The following MMP26 variants were observed in gnomAD, a reference collection of about 807,000 sequenced individuals.
MMP26 encodes matrix metallopeptidase 26, also known as matrix metalloproteinase-26.
MMP26 carries 33 observed loss-of-function variants against 31.0 expected under a neutral mutation model. That is an observed-to-expected ratio of 1.06 (90% CI 0.81 to 1.42). The LOEUF is 1.42. MMP26 is among the 40% of genes most tolerant of loss of function. The pLI is 0.00. For missense variants in MMP26, 347 were observed against 316.1 expected (o/e 1.10, Z -0.74); for synonymous variants, 122 against 114.9 (o/e 1.06, Z -0.40).
intron 1 of MMP26, among the ~76,000 whole-genome samples, chr11:4,732,350 T>G (rs1848184164): frequency 6.6e-6 from 1 of 152,166 alleles, no homozygotes; most frequent in South Asian, 2.1e-4. Flanking sequence ...AGGCTAGGAA[T>G]TAAAGATTAC....
At chr11:4,799,668 A>T (rs142930337) in intron 2 of MMP26, among the ~76,000 whole-genome samples, 3 of 152,300 alleles carry the variant, frequency 2.0e-5, no homozygotes, top group African/African-American at 7.2e-5. Context: ...ACAAGTCCAA[A>T]GTCCTAAGTC....
At chr11:4,860,905 C>T (rs536941402) in intron 2 of MMP26, among the ~76,000 whole-genome samples, 2 of 152,008 alleles carry the variant, frequency 1.3e-5, no homozygotes, top group Admixed American at 1.3e-4. Flanking sequence ...AAGAAGTAGA[C>T]ATAACCAAGA....
intron 2 of MMP26, chr11:4,882,458 A>G (rs1390552297): frequency 6.2e-7 from 1 of 1,609,456 alleles, no homozygotes; most frequent in Non-Finnish European, 8.5e-7. Context: ...CCCAGAAGTG[A>G]TCAAATACAC....
At chr11:4,774,382 A>C (rs796158941) in intron 2 of MMP26, among the ~76,000 whole-genome samples, 14 of 152,156 alleles carry the variant, frequency 9.2e-5, no homozygotes, top group African/African-American at 3.4e-4. Context: ...GATCAGTGAT[A>C]TTGAGCTGTT....
chr11:4,964,242 G>C (rs1846559799), intron 2 of MMP26, among the ~76,000 whole-genome samples: 1 of 151,948 alleles, frequency 6.6e-6, no homozygotes, highest in Non-Finnish European at 1.5e-5. Context: ...TTATAATTTT[G>C]AGTTTTACAG....
chr11:4,839,103 C>T (rs1403298665), intron 2 of MMP26, among the ~76,000 whole-genome samples: 2 of 151,970 alleles, frequency 1.3e-5, no homozygotes, highest in Admixed American at 1.3e-4. Flanking sequence ...CAAAACTGGA[C>T]CAAACTCAGC....
intron 1 of MMP26, among the ~76,000 whole-genome samples, chr11:4,751,513 GA>G (rs35685012): frequency 6.6e-6 from 1 of 152,018 alleles, no homozygotes; most frequent in Non-Finnish European, 1.5e-5. Context: ...AGTCCACCAT[GA>G]AAAAACTGCA....
At chr11:4,811,022 T>A (rs1034062856) in intron 2 of MMP26, among the ~76,000 whole-genome samples, 6 of 152,190 alleles carry the variant, frequency 3.9e-5, no homozygotes, top group African/African-American at 1.4e-4. Flanking sequence ...TAGATGGTAA[T>A]GATCAAGGTC....
At chr11:4,858,751 G>A (rs1850096654) in intron 2 of MMP26, among the ~76,000 whole-genome samples, 1 of 152,102 alleles carries the variant, frequency 6.6e-6, no homozygotes, top group Non-Finnish European at 1.5e-5. Flanking sequence ...CCAAAAAAGA[G>A]CCCGCATTGC....
chr11:4,746,892 G>A (rs1421250334), intron 1 of MMP26, among the ~76,000 whole-genome samples: 1 of 149,776 alleles, frequency 6.7e-6, no homozygotes, highest in Non-Finnish European at 1.5e-5. Flanking sequence ...CTATACATTG[G>A]AATAATGTTC....
intron 2 of MMP26, among the ~76,000 whole-genome samples, chr11:4,987,410 T>TTTTTTTG (rs1326794783): frequency 2.0e-5 from 3 of 151,924 alleles, no homozygotes; most frequent in East Asian, 1.9e-4. Context: ...TTTTGTGGTT[T>TTTTTTTG]TTTTTTGTTT....
intron 2 of MMP26, among the ~76,000 whole-genome samples, chr11:4,932,507 T>C (rs182469977): frequency 2.6e-4 from 39 of 152,248 alleles, no homozygotes; most frequent in African/African-American, 8.4e-4. Context: ...GAGAGGCATA[T>C]GTAGGCGCTT....
chr11:4,806,994 T>A (rs549542714), intron 2 of MMP26, among the ~76,000 whole-genome samples: 1 of 152,176 alleles, frequency 6.6e-6, no homozygotes, highest in South Asian at 2.1e-4. Flanking sequence ...ACCCAGACCA[T>A]CCTCATTGCT....
At chr11:4,915,471 A>G in intron 2 of MMP26, 1 of 1,614,162 alleles carries the variant, frequency 6.2e-7, no homozygotes, top group Non-Finnish European at 8.5e-7. Flanking sequence ...AGGAAGAGAT[A>G]CATAGGTTCA....
intron 2 of MMP26, among the ~76,000 whole-genome samples, chr11:4,870,416 A>G (rs944012051): frequency 6.6e-6 from 1 of 152,150 alleles, no homozygotes; most frequent in Non-Finnish European, 1.5e-5. Flanking sequence ...GATAAAAGAA[A>G]ATGGGGCTAC....
At chr11:4,840,523 G>A (rs1481187129) in intron 2 of MMP26, among the ~76,000 whole-genome samples, 1 of 152,212 alleles carries the variant, frequency 6.6e-6, no homozygotes, top group Non-Finnish European at 1.5e-5. Flanking sequence ...AAGAGAACGA[G>A]AGTCTCTGCC....
intron 2 of MMP26, among the ~76,000 whole-genome samples, chr11:4,941,449 C>T (rs1055299619): frequency 9.9e-5 from 15 of 152,272 alleles, no homozygotes; most frequent in African/African-American, 2.6e-4. Context: ...CAAACACATA[C>T]GGGTTCTTAT....
chr11:4,960,219 A>T lies in MMP26; in HGVS notation c.-144-27849A>T, dbSNP rs945880460. Among the ~76,000 whole-genome samples the T allele has an allele frequency of 6.6e-5, 10 of 152,320 alleles. No homozygotes were observed. In the South Asian group the frequency reaches 2.1e-3, roughly 32 times the overall value. ...CAATTGGCACATAGGAAGAAAATAA[A>T]TATCTTAAAAGCAATTGATTGAATG... On this transcript the variant is annotated intron_variant, in intron 2 of 7. Coordinates refer to ENST00000380390, the MANE Select transcript of MMP26 (RefSeq NM_021801.5).
intron 2 of MMP26, among the ~76,000 whole-genome samples, chr11:4,907,087 ACTCCCTCT>A: frequency 8.4e-6 from 1 of 119,610 alleles, no homozygotes. Flanking sequence ...CAAGAGCAAA[ACTCCCTCT>A]AAAAAAAAAA....
Sources: allele counts gnomAD v4.1 joint callset (sites outside exome capture counted in the v4.1 genomes callset), GRCh38; gene constraint gnomAD v4.1.1; transcripts MANE v1.5; gene names NCBI Gene and HGNC (gene_info 2026-07-23, HGNC 2026-07-21).